SCGB2B2: variants seen among roughly 807,000 people sequenced by gnomAD.
SCGB2B2 encodes secretoglobin family 2B member 2.
Under a neutral mutation model 7.6 loss-of-function variants are expected in SCGB2B2, and 11 were observed. The ratio of observed to expected loss-of-function variants is 1.45; its 90% CI spans 0.91 to 2.40. SCGB2B2 has a LOEUF of 2.40. Among genes scored for constraint, SCGB2B2 ranks in the 30% most tolerant of loss-of-function variants. The probability of loss-of-function intolerance (pLI) is 0.00; values close to 1 mark genes in which losing one functional copy is unlikely to be tolerated. For missense variants in SCGB2B2, 104 were observed against 115.4 expected (o/e 0.90, Z 0.45); for synonymous variants, 50 against 48.6 (o/e 1.03, Z -0.12).
chr19:34,650,852 C>T (rs2067144727), intron 1 of SCGB2B2, among the ~76,000 whole-genome samples: 1 of 151,304 alleles, frequency 6.6e-6, no homozygotes, highest in African/African-American at 2.5e-5. Context: ...CAAACATTCT[C>T]CACAAAATAC....
chr19:34,640,835 TTTA>T (rs1250565662), intron 1 of SCGB2B2: 3 of 152,106 alleles, frequency 2.0e-5, no homozygotes, highest in African/African-American at 4.8e-5. Flanking sequence ...CTGATACCTC[TTTA>T]TTATTATTTT....
At chr19:34,611,963 T>G (rs1223648356) in intron 1 of SCGB2B2, among the ~76,000 whole-genome samples, 6 of 145,954 alleles carry the variant, frequency 4.1e-5, no homozygotes, top group African/African-American at 1.3e-4. Context: ...CAAAATTTAC[T>G]TCTTAATTTC....
At chr19:34,652,943 T>C (rs930866087) in intron 1 of SCGB2B2, among the ~76,000 whole-genome samples, 1 of 151,110 alleles carries the variant, frequency 6.6e-6, no homozygotes, top group Non-Finnish European at 1.5e-5. Context: ...GGACAAAACA[T>C]GGAATCGACT....
chr19:34,631,846 T>G (rs113382198), intron 1 of SCGB2B2, among the ~76,000 whole-genome samples: 4,011 of 152,118 alleles, frequency 0.026, 183 homozygotes, highest in African/African-American at 0.09. Context: ...TGAAAAGAAG[T>G]ACAAAGTTAA....
chr19:34,657,516 A>C (rs1427643556), intron 1 of SCGB2B2, among the ~76,000 whole-genome samples: 2 of 151,978 alleles, frequency 1.3e-5, no homozygotes, highest in African/African-American at 4.9e-5. Context: ...GCCACTACAT[A>C]ATGGTAAAGG....
At chr19:34,669,534 A>G (rs1280960565) in intron 1 of SCGB2B2, among the ~76,000 whole-genome samples, 4 of 152,200 alleles carry the variant, frequency 2.6e-5, no homozygotes, top group Non-Finnish European at 5.9e-5. Flanking sequence ...ATGGACCTGC[A>G]GGCTGGCACC....
intron 1 of SCGB2B2, among the ~76,000 whole-genome samples, chr19:34,662,504 AACACACAC>A (rs10634972): frequency 4.7e-5 from 7 of 149,352 alleles, no homozygotes; most frequent in East Asian, 3.9e-4. Flanking sequence ...TTTTTTAAAC[AACACACAC>A]ACACACACAC....
intron 1 of SCGB2B2, among the ~76,000 whole-genome samples, chr19:34,618,123 G>A (rs568908273): frequency 2.6e-5 from 4 of 152,298 alleles, no homozygotes; most frequent in East Asian, 1.9e-4. Flanking sequence ...GCTGTAGACC[G>A]GAGCTGTTCC....
At chr19:34,625,240 T>C (rs2066338736) in intron 1 of SCGB2B2, among the ~76,000 whole-genome samples, 2 of 152,100 alleles carry the variant, frequency 1.3e-5, no homozygotes, top group South Asian at 4.2e-4. Flanking sequence ...AGGTACCGGG[T>C]TCATCTCACT....
intron 1 of SCGB2B2, chr19:34,645,790 C>T (rs1421711675): frequency 3.4e-6 from 1 of 294,866 alleles, no homozygotes; most frequent in African/African-American, 2.3e-5. Flanking sequence ...ATTGCCATCC[C>T]AGGGTCTCAG....
intron 1 of SCGB2B2, among the ~76,000 whole-genome samples, chr19:34,638,564 C>T (rs1008052610): frequency 1.3e-5 from 2 of 151,992 alleles, no homozygotes; most frequent in Admixed American, 6.6e-5. Context: ...TATATTTCCA[C>T]GGCCAACTGT....
At chr19:34,596,895 ACT>A (rs2065473225) in intron 1 of SCGB2B2, among the ~76,000 whole-genome samples, 1 of 151,796 alleles carries the variant, frequency 6.6e-6, no homozygotes, top group Non-Finnish European at 1.5e-5. Flanking sequence ...ACCCCAGAGC[ACT>A]GTGTCCCGTC....
At chr19:34,664,475 A>G (rs1479961158) in intron 1 of SCGB2B2, among the ~76,000 whole-genome samples, 1 of 152,078 alleles carries the variant, frequency 6.6e-6, no homozygotes, top group African/African-American at 2.4e-5. Context: ...GTCACAAGCA[A>G]GTAGGTGGCT....
At chr19:34,649,700 A>T (rs532200232) in intron 1 of SCGB2B2, among the ~76,000 whole-genome samples, 2 of 151,932 alleles carry the variant, frequency 1.3e-5, no homozygotes, top group African/African-American at 4.8e-5. Context: ...AATACCAAAA[A>T]AATTTTAGCT....
intron 1 of SCGB2B2, among the ~76,000 whole-genome samples, chr19:34,602,103 A>T (rs365973): frequency 0.38 from 58,018 of 151,928 alleles, 11,595 homozygotes; most frequent in African/African-American, 0.5. Context: ...TTGTTAGATT[A>T]AGGATATATT....
intron 1 of SCGB2B2, among the ~76,000 whole-genome samples, chr19:34,644,984 T>A (rs1354892198): frequency 6.6e-6 from 1 of 152,226 alleles, no homozygotes; most frequent in Non-Finnish European, 1.5e-5. Flanking sequence ...ATGAGCAAGC[T>A]GAGTTTCTGT....
chr19:34,593,457 A>G lies in SCGB2B2; in HGVS notation c.*98T>C, dbSNP rs998236494. On this transcript the variant is annotated 3_prime_UTR_variant, in exon 4 of 4. Coordinates refer to ENST00000601241, the MANE Select transcript of SCGB2B2 (RefSeq NM_001025591.4). ...ACACAGAACTGAGCTGCAGGTGTTC[A>G]TTGGGGTCTCTGTAGTGATGAACAG... 21 of 875,006 alleles carry G rather than the reference A, an allele frequency of 2.4e-5. No individual in the cohort carries two copies. The Admixed American group carries it at 3.3e-4, about 14-fold the overall frequency. 54.2% of individuals were successfully genotyped at this position (875,006 alleles called of 1,614,324 possible).
At chr19:34,634,484 C>T (rs901476732) in intron 1 of SCGB2B2, among the ~76,000 whole-genome samples, 8 of 152,184 alleles carry the variant, frequency 5.3e-5, no homozygotes, top group South Asian at 2.1e-4. Context: ...CTGGCACTCA[C>T]ACGGAATCTC....
chr19:34,662,174 C>T (rs987166150), intron 1 of SCGB2B2, among the ~76,000 whole-genome samples: 5 of 152,060 alleles, frequency 3.3e-5, no homozygotes, highest in African/African-American at 7.2e-5. Flanking sequence ...GCCACCGCGC[C>T]GGGCCATGTT....
Sources: gnomAD v4.1 joint callset for allele counts (sites outside exome capture counted in the v4.1 genomes callset) on GRCh38, gnomAD v4.1.1 for gene constraint, MANE v1.5 for transcripts, NCBI Gene and HGNC (gene_info 2026-07-23, HGNC 2026-07-21) for gene names.